The following C3orf20 variants were observed in gnomAD, a reference collection of about 807,000 sequenced individuals.
C3orf20 encodes family with sequence similarity 149 member C.
In C3orf20, 76 loss-of-function variants were observed where a neutral mutation model predicts 88.3. That is an observed-to-expected ratio of 0.86 (90% CI 0.72 to 1.04). C3orf20 has a LOEUF of 1.04. C3orf20 is among the 50% of genes least tolerant of loss of function. The probability of loss-of-function intolerance (pLI) is 0.00; values close to 1 mark genes in which losing one functional copy is unlikely to be tolerated. For synonymous variants in C3orf20, 436 were observed against 437.4 expected, an observed-to-expected ratio of 1.00 and a Z score of 0.04; for missense variants, 1,056 against 1,123.3, an observed-to-expected ratio of 0.94 and a Z score of 0.86.
At chr3:14,683,311 T>G (rs2032211282) in intron 3 of C3orf20, 114 bp downstream of exon 3, 4 of 1,328,906 alleles carry the variant, frequency 3.0e-6, no homozygotes, top group Non-Finnish European at 4.0e-6. Flanking sequence ...ATTGGATGCC[T>G]TCCCTCTGCG....
intron 9 of C3orf20, among the ~76,000 whole-genome samples, chr3:14,720,385 A>C (rs1216630350): frequency 1.3e-5 from 2 of 152,212 alleles, no homozygotes; most frequent in African/African-American, 4.8e-5. Flanking sequence ...AGACTTGGCA[A>C]GTCATAGTTC....
At chr3:14,720,946 C>A (rs2034134435) in intron 9 of C3orf20, among the ~76,000 whole-genome samples, 1 of 152,192 alleles carries the variant, frequency 6.6e-6, no homozygotes, top group African/African-American at 2.4e-5. Flanking sequence ...CTGGGACTCA[C>A]CCGTAGACCA....
Position 14,757,633 on chromosome 3 carries a change from T to A in C3orf20, c.2203T>A (p.Tyr735Asn). The A allele has an allele frequency of 6.2e-7, 1 of 1,612,496 alleles. No individual in the cohort carries two copies. The highest frequency in any genetic ancestry group is 1.1e-5 in the South Asian group (1 of 91,052). The change falls in exon 13 of 17, where the codon TAC becomes AAC. Residue 735 changes from tyrosine (Y) to asparagine (N), a missense_variant. Transcript: ENST00000253697. ...GCTCCAGTGGCTGCTGAACACTCTC[T>A]ACAACCACCAGCAGCGGGGCCGTGG... The part of the protein sequence containing the change: ...GQLQWLLNTL[Y>N]NHQQRGRGSP...
At chr3:14,710,072 A>C (rs986237900) in intron 7 of C3orf20, among the ~76,000 whole-genome samples, 1 of 151,372 alleles carries the variant, frequency 6.6e-6, no homozygotes, top group Non-Finnish European at 1.5e-5. Context: ...TAGGTTTTTT[A>C]TTTCTTTTTG....
intron 15 of C3orf20, 130 bp downstream of exon 15, chr3:14,761,745 T>G: frequency 1.7e-4 from 89 of 537,786 alleles, no homozygotes; most frequent in East Asian, 5.1e-4. Flanking sequence ...GGAGGGGGGC[T>G]GGAGGTGGGA....
At chr3:14,687,812 C>A (rs770345619) in intron 4 of C3orf20, among the ~76,000 whole-genome samples, 4 of 152,192 alleles carry the variant, frequency 2.6e-5, no homozygotes, top group Non-Finnish European at 5.9e-5. Flanking sequence ...GGCTGCGATT[C>A]ATCTAATGGA....
chr3:14,744,850 C>T (rs529391709), intron 12 of C3orf20, among the ~76,000 whole-genome samples: 5 of 152,198 alleles, frequency 3.3e-5, no homozygotes, highest in Non-Finnish European at 7.3e-5. Flanking sequence ...GGGTCCCTCC[C>T]ACAACATGTG....
chr3:14,711,084 A>T (rs925122347), intron 7 of C3orf20, among the ~76,000 whole-genome samples: 2 of 151,960 alleles, frequency 1.3e-5, no homozygotes, highest in Non-Finnish European at 2.9e-5. Context: ...TTTAGTGGAG[A>T]TGGGGTTTCA....
intron 9 of C3orf20, among the ~76,000 whole-genome samples, chr3:14,718,322 A>G (rs1488842911): frequency 6.6e-6 from 1 of 152,086 alleles, no homozygotes; most frequent in Non-Finnish European, 1.5e-5. Flanking sequence ...CCATTCTACT[A>G]TTATGATAAT....
chr3:14,681,925 T>A (rs1418614235), intron 1 of C3orf20, among the ~76,000 whole-genome samples: 1 of 152,232 alleles, frequency 6.6e-6, no homozygotes, highest in Non-Finnish European at 1.5e-5. Context: ...GGGTAAACAT[T>A]ACTGTAGTAT....
chr3:14,758,847 A>G (rs912065906), intron 13 of C3orf20, among the ~76,000 whole-genome samples: 1 of 152,172 alleles, frequency 6.6e-6, no homozygotes, highest in Non-Finnish European at 1.5e-5. Context: ...CCATACAGCA[A>G]AGCCATGTTT....
intron 1 of C3orf20, among the ~76,000 whole-genome samples, chr3:14,677,986 C>CCCAACTTCAGTAGTTT (rs2031872994): frequency 6.6e-6 from 1 of 152,036 alleles, no homozygotes; most frequent in Non-Finnish European, 1.5e-5. Flanking sequence ...TCAGTAGTTT[C>CCCAACTTCAGTAGTTT]CCATCAGCTA....
At chr3:14,677,894 C>G (rs1485377180) in intron 1 of C3orf20, among the ~76,000 whole-genome samples, 1 of 152,142 alleles carries the variant, frequency 6.6e-6, no homozygotes, top group Non-Finnish European at 1.5e-5. Flanking sequence ...TCCATATCCA[C>G]TCACCCCACC....
chr3:14,722,561 A>C (rs1231742998), intron 10 of C3orf20: 3 of 456,588 alleles, frequency 6.6e-6, no homozygotes, highest in African/African-American at 6.0e-5. Context: ...CCCTCTTCTC[A>C]TCCCAGGTAG....
At chr3:14,716,898 A>G (rs1324342526) in intron 9 of C3orf20, among the ~76,000 whole-genome samples, 1 of 152,198 alleles carries the variant, frequency 6.6e-6, no homozygotes, top group Non-Finnish European at 1.5e-5. Flanking sequence ...TTTCACAAAC[A>G]TTTCTGAGGC....
chr3:14,720,672 T>C (rs2034125615), intron 9 of C3orf20, among the ~76,000 whole-genome samples: 1 of 152,152 alleles, frequency 6.6e-6, no homozygotes, highest in South Asian at 2.1e-4. Flanking sequence ...CACAGCAGTG[T>C]AGGGCTGCAC....
intron 12 of C3orf20, among the ~76,000 whole-genome samples, chr3:14,755,252 A>AT (rs999868746): frequency 3.3e-5 from 5 of 150,572 alleles, no homozygotes; most frequent in East Asian, 1.9e-4. Context: ...GTGTATGTGT[A>AT]TTTTTTTTGC....
chr3:14,742,076 G>A (rs1259099932), intron 12 of C3orf20, among the ~76,000 whole-genome samples: 1 of 152,192 alleles, frequency 6.6e-6, no homozygotes, highest in African/African-American at 2.4e-5. Context: ...ACCTCAGCAA[G>A]AGTGGAAGCA....
intron 13 of C3orf20, among the ~76,000 whole-genome samples, chr3:14,758,613 C>T (rs891528873): frequency 4.6e-5 from 7 of 152,142 alleles, no homozygotes. Context: ...TCCTAGAATC[C>T]GCTGTCTTTG....
Sources: allele counts gnomAD v4.1 joint callset (sites outside exome capture counted in the v4.1 genomes callset), GRCh38; gene constraint gnomAD v4.1.1; transcripts MANE v1.5; gene names NCBI Gene and HGNC (gene_info 2026-07-23, HGNC 2026-07-21).